The following NUP210L variants were observed in gnomAD, a reference collection of about 807,000 sequenced individuals.
The protein encoded by NUP210L is nucleoporin 210 like.
In NUP210L, 74 loss-of-function variants were observed where a neutral mutation model predicts 208.5. The observed-to-expected ratio is 0.35, with a 90% CI of 0.29 to 0.43. The LOEUF is 0.43. Ranked by LOEUF, NUP210L falls within the 20% of genes least tolerant of loss-of-function variation. The pLI, the probability that NUP210L is intolerant of heterozygous loss-of-function variation, is 1.00. For missense variants in NUP210L, 1,843 were observed against 2,289.4 expected (o/e 0.81, Z 3.98); for synonymous variants, 780 against 816.9 (o/e 0.95, Z 0.77).
exon 40 of NUP210L, chr1:153,992,704 T>G (rs1649526496): frequency 1.5e-6 from 1 of 684,214 alleles, no homozygotes; most frequent in Non-Finnish European, 2.5e-6. Context: ...AAGAAACAGC[T>G]TAGGATGCTT....
chr1:153,992,872 C>A, exon 40 of NUP210L: 2 of 1,613,288 alleles, frequency 1.2e-6, no homozygotes, highest in Non-Finnish European at 1.7e-6. Flanking sequence ...TTGCAGCCGA[C>A]TTTGGGCCAA....
At chr1:154,117,620 T>C (rs1045526905) in intron 12 of NUP210L, 105 bp downstream of exon 12, 3 of 851,834 alleles carry the variant, frequency 3.5e-6, no homozygotes, top group Non-Finnish European at 5.4e-6. Context: ...ATGTGAGTAA[T>C]ATTTTTAAAT....
chr1:154,147,628 G>T (rs186448642), intron 2 of NUP210L, among the ~76,000 whole-genome samples: 1 of 151,714 alleles, frequency 6.6e-6, no homozygotes, highest in East Asian at 2.0e-4. Context: ...ACAGGCCTCC[G>T]GAGCTAGTGC....
chr1:153,994,076 C>T (rs1649670022), intron 38 of NUP210L, among the ~76,000 whole-genome samples: 1 of 152,060 alleles, frequency 6.6e-6, no homozygotes, highest in South Asian at 2.1e-4. Context: ...GATGGAGTCT[C>T]TCTGTGTTGC....
chr1:154,032,281 C>T (rs1457409674), intron 27 of NUP210L, among the ~76,000 whole-genome samples: 2 of 152,126 alleles, frequency 1.3e-5, no homozygotes, highest in African/African-American at 4.8e-5. Flanking sequence ...AACCTCCGAA[C>T]TATGCTCCAT....
intron 16 of NUP210L, 124 bp from the exon 17 acceptor site, chr1:154,070,589 C>A: frequency 1.7e-6 from 1 of 586,672 alleles, no homozygotes; most frequent in Non-Finnish European, 2.8e-6. Flanking sequence ...AATTTGCAAA[C>A]TTATAGCTAT....
chr1:154,083,672 T>C (rs944154967), intron 16 of NUP210L, among the ~76,000 whole-genome samples: 2 of 152,052 alleles, frequency 1.3e-5, no homozygotes, highest in African/African-American at 4.8e-5. Context: ...GAAGTCTTCT[T>C]TTTTCTTCTT....
intron 17 of NUP210L, among the ~76,000 whole-genome samples, chr1:154,070,055 G>A (rs556809174): frequency 1.4e-4 from 21 of 152,252 alleles, no homozygotes; most frequent in African/African-American, 4.8e-4. Context: ...CTATCATGGG[G>A]TGCGGGGATG....
chr1:154,035,635 G>A (rs770016027), intron 27 of NUP210L, among the ~76,000 whole-genome samples: 21 of 152,076 alleles, frequency 1.4e-4, no homozygotes, highest in Non-Finnish European at 3.1e-4. Context: ...CTGACTTCAA[G>A]TGATCTGCCC....
chr1:154,109,489 A>G (rs1387001421), intron 12 of NUP210L, among the ~76,000 whole-genome samples: 1 of 151,578 alleles, frequency 6.6e-6, no homozygotes. Flanking sequence ...GATTATCCAG[A>G]CAGATAATCA....
In NUP210L at chr1:154,051,904, T is replaced by C. The variant is rs901787996; in HGVS notation, c.3483+2324A>G. On this transcript the variant is annotated intron_variant, in intron 25 of 39. Transcript: ENST00000368559. ...CTATAGTAGCCAAGCTCTAGCTACA[T>C]TTTTCTCTATATGGAATATTAAACA... is the stretch of plus-strand genomic sequence containing the variant. Among the ~76,000 whole-genome samples, 6 of 152,228 alleles carry C rather than the reference T, an allele frequency of 3.9e-5. No individual in the cohort carries two copies. The South Asian group carries it at 6.2e-4, about 16-fold the overall frequency.
At chr1:154,146,627 C>T (rs543850510) in intron 2 of NUP210L, among the ~76,000 whole-genome samples, 2 of 113,808 alleles carry the variant, frequency 1.8e-5, no homozygotes, top group Non-Finnish European at 3.6e-5. Context: ...CCTCCCCCCC[C>T]CACCAAAAAA....
intron 10 of NUP210L, among the ~76,000 whole-genome samples, chr1:154,124,235 T>TAA (rs202114981): frequency 7.7e-4 from 105 of 136,282 alleles, no homozygotes; most frequent in East Asian, 5.0e-3. Context: ...ACGGGGATGG[T>TAA]AAAAAAAAAA....
intron 17 of NUP210L, 48 bp downstream of exon 17, chr1:154,070,225 C>G (rs995564817): frequency 7.0e-7 from 1 of 1,426,140 alleles, no homozygotes; most frequent in Non-Finnish European, 9.5e-7. Context: ...AACAAACAAA[C>G]AAAAAAACAC....
intron 17 of NUP210L, among the ~76,000 whole-genome samples, chr1:154,068,894 G>A (rs1465820895): frequency 2.6e-5 from 4 of 152,094 alleles, no homozygotes; most frequent in African/African-American, 7.2e-5. Flanking sequence ...GTTAATGGGT[G>A]CAGCGCACCA....
At chr1:154,049,656 T>C (rs1653378581) in intron 25 of NUP210L, among the ~76,000 whole-genome samples, 1 of 152,184 alleles carries the variant, frequency 6.6e-6, no homozygotes, top group Non-Finnish European at 1.5e-5. Flanking sequence ...GTCTTTGTTA[T>C]TAAGAAAAAA....
intron 25 of NUP210L, among the ~76,000 whole-genome samples, chr1:154,049,227 C>G (rs995719232): frequency 6.6e-6 from 1 of 152,056 alleles, no homozygotes; most frequent in Non-Finnish European, 1.5e-5. Flanking sequence ...CAATGGACAA[C>G]CTGGGACTAT....
At chr1:154,087,058 G>A (rs533764337) in intron 16 of NUP210L, among the ~76,000 whole-genome samples, 5 of 152,188 alleles carry the variant, frequency 3.3e-5, no homozygotes, top group South Asian at 2.1e-4. Flanking sequence ...AGTGGCTCAC[G>A]CCTGTAATCC....
intron 37 of NUP210L, among the ~76,000 whole-genome samples, chr1:153,999,125 A>G (rs1650061938): frequency 6.6e-6 from 1 of 152,168 alleles, no homozygotes; most frequent in African/African-American, 2.4e-5. Flanking sequence ...CCAGATGCTC[A>G]CGTAAACATC....
Sources: allele counts gnomAD v4.1 joint callset (sites outside exome capture counted in the v4.1 genomes callset), GRCh38; gene constraint gnomAD v4.1.1; transcripts MANE v1.5; gene names NCBI Gene and HGNC (gene_info 2026-07-23, HGNC 2026-07-21).